FAM13A: variants seen among roughly 807,000 people sequenced by gnomAD.
The protein encoded by FAM13A is family with sequence similarity 13 member A.
A neutral mutation model predicts 129.6 loss-of-function variants in FAM13A; 76 were observed. That is an observed-to-expected ratio of 0.59 (90% CI 0.49 to 0.71). The LOEUF (loss-of-function observed/expected upper bound fraction) is 0.71, where lower values mean the gene tolerates loss of function less well. Among genes scored for constraint, FAM13A ranks in the 30% least tolerant of loss-of-function variants. The pLI is 0.00. For missense variants in FAM13A, 1,108 were observed against 1,249.3 expected, an observed-to-expected ratio of 0.89 and a Z score of 1.70; for synonymous variants, 443 against 449.9, an observed-to-expected ratio of 0.98 and a Z score of 0.20.
chr4:88,791,773 G>T (rs1381120370), intron 8 of FAM13A, among the ~76,000 whole-genome samples: 1 of 151,954 alleles, frequency 6.6e-6, no homozygotes, highest in African/African-American at 2.4e-5. Flanking sequence ...TCATCTGTCA[G>T]GTTTTTCTCC....
chr4:88,860,962 C>T lies in FAM13A; in HGVS notation c.844-9779G>A, dbSNP rs551957924. 3.9e-5 allele frequency among the ~76,000 whole-genome samples: 6 copies of T among 152,276 alleles called. No homozygotes were observed. The South Asian group carries it at 1.0e-3, about 26-fold the overall frequency. On this transcript the variant is annotated intron_variant, in intron 6 of 23. Transcript: ENST00000264344. ...CTGTTGTCATATATATAGGTGAACA[C>T]TTTATTTTACAACATATTCATTTAT...
rs538053731 is a variant in FAM13A at position 88,789,053 on chromosome 4, C to T, written c.1092-1121G>A. Among the ~76,000 whole-genome samples the T allele has an allele frequency of 6.2e-4, 95 of 152,010 alleles. 1 individual carries two copies. The highest frequency in any genetic ancestry group is 1.2e-4 in the Non-Finnish European group (8 of 68,006). Reference sequence around the variant, plus strand: ...AGGATTGTGAGTAAATTAATATGCACATAAGAGATGTACATAATATATAAA... The same window carrying T: ...AGGATTGTGAGTAAATTAATATGCATATAAGAGATGTACATAATATATAAA... On this transcript the variant is annotated intron_variant, in intron 9 of 23. Coordinates refer to ENST00000264344, the MANE Select transcript of FAM13A (RefSeq NM_014883.4).
intron 6 of FAM13A, among the ~76,000 whole-genome samples, chr4:88,878,096 T>C (rs1393911219): frequency 6.6e-6 from 1 of 152,006 alleles, no homozygotes; most frequent in African/African-American, 2.4e-5. Context: ...AAGACCATCC[T>C]GGCTAACACG....
At chr4:89,043,253 G>A (rs1480987608) in intron 1 of FAM13A, among the ~76,000 whole-genome samples, 2 of 152,188 alleles carry the variant, frequency 1.3e-5, no homozygotes, top group African/African-American at 4.8e-5. Context: ...CACCAAGGTG[G>A]CAGATATCAG....
chr4:88,777,711 G>A (rs1722047016), intron 11 of FAM13A, among the ~76,000 whole-genome samples: 1 of 152,136 alleles, frequency 6.6e-6, no homozygotes, highest in Non-Finnish European at 1.5e-5. Context: ...CTCTTTGGCT[G>A]TGCCGTGGGC....
chr4:88,971,674 G>A (rs900712889), intron 4 of FAM13A, among the ~76,000 whole-genome samples: 5 of 151,944 alleles, frequency 3.3e-5, no homozygotes, highest in Admixed American at 1.3e-4. Context: ...ACCCAGCTTT[G>A]TTTTATTCTT....
At chr4:89,048,025 C>A (rs533685416) in intron 1 of FAM13A, among the ~76,000 whole-genome samples, 2 of 152,166 alleles carry the variant, frequency 1.3e-5, no homozygotes, top group African/African-American at 2.4e-5. Context: ...AACCCTCATT[C>A]ATCACTGGTG....
chr4:88,914,905 A>G (rs1210923584), intron 5 of FAM13A, among the ~76,000 whole-genome samples: 2 of 152,224 alleles, frequency 1.3e-5, no homozygotes, highest in African/African-American at 2.4e-5. Context: ...TGGGAACAAG[A>G]TAATAACACA....
chr4:88,793,139 C>T (rs573446697), intron 8 of FAM13A, among the ~76,000 whole-genome samples: 1 of 152,046 alleles, frequency 6.6e-6, no homozygotes, highest in South Asian at 2.1e-4. Flanking sequence ...CTCTTATCTT[C>T]GCAACTAAAA....
intron 13 of FAM13A, among the ~76,000 whole-genome samples, chr4:88,763,506 T>C (rs2149526622): frequency 6.6e-6 from 1 of 152,304 alleles, no homozygotes; most frequent in African/African-American, 2.4e-5. Flanking sequence ...TCAGGTAACA[T>C]TTCACATTCA....
chr4:89,010,196 A>G (rs1275214982), intron 3 of FAM13A, among the ~76,000 whole-genome samples: 1 of 152,212 alleles, frequency 6.6e-6, no homozygotes, highest in Non-Finnish European at 1.5e-5. Flanking sequence ...TAACCCTGCT[A>G]AACTACTCTG....
At chr4:88,871,128 A>T (rs891046819) in intron 6 of FAM13A, among the ~76,000 whole-genome samples, 4 of 152,216 alleles carry the variant, frequency 2.6e-5, no homozygotes, top group Non-Finnish European at 5.9e-5. Context: ...TCCACACCAA[A>T]ACCCCATTTA....
At chr4:88,952,830 C>A (rs1039393464) in intron 4 of FAM13A, among the ~76,000 whole-genome samples, 2 of 151,990 alleles carry the variant, frequency 1.3e-5, no homozygotes, top group African/African-American at 2.4e-5. Flanking sequence ...CATCTGTAAT[C>A]CCAGCTACTC....
At chr4:88,733,607 C>T (rs531122622) in intron 21 of FAM13A, among the ~76,000 whole-genome samples, 2 of 152,264 alleles carry the variant, frequency 1.3e-5, no homozygotes, top group Admixed American at 6.5e-5. Context: ...TCTCTTCCTT[C>T]CCCTCCCCTG....
chr4:88,841,409 G>A (rs529458131), intron 7 of FAM13A, among the ~76,000 whole-genome samples: 26 of 146,672 alleles, frequency 1.8e-4, no homozygotes, highest in Non-Finnish European at 3.1e-4. Flanking sequence ...CAGGAGAACC[G>A]TTTGAACCCG....
chr4:88,762,517 T>C (rs980717378), intron 13 of FAM13A, among the ~76,000 whole-genome samples: 13 of 152,112 alleles, frequency 8.5e-5, no homozygotes, highest in Admixed American at 3.3e-4. Flanking sequence ...AGTCCCAGCT[T>C]TTGGCCCTGC....
intron 2 of FAM13A, among the ~76,000 whole-genome samples, chr4:89,027,752 C>T (rs942630868): frequency 1.3e-5 from 2 of 152,006 alleles, no homozygotes; most frequent in African/African-American, 2.4e-5. Flanking sequence ...CACTGTGATA[C>T]CACAATGATC....
chr4:88,803,295 A>C (rs1049083749), intron 8 of FAM13A, among the ~76,000 whole-genome samples: 3 of 152,314 alleles, frequency 2.0e-5, no homozygotes, highest in East Asian at 3.9e-4. Flanking sequence ...AACGTGGGCC[A>C]GTATGCATAT....
At chr4:88,777,988 G>A (rs138311114) in intron 11 of FAM13A, among the ~76,000 whole-genome samples, 1 of 152,254 alleles carries the variant, frequency 6.6e-6, no homozygotes, top group African/African-American at 2.4e-5. Context: ...TCTGGCTGCT[G>A]CTTCTTAAGT....
Sources: allele counts gnomAD v4.1 joint callset (sites outside exome capture counted in the v4.1 genomes callset), GRCh38; gene constraint gnomAD v4.1.1; transcripts MANE v1.5; gene names NCBI Gene and HGNC (gene_info 2026-07-23, HGNC 2026-07-21).